GBF1: variants seen among roughly 807,000 people sequenced by gnomAD.
The protein encoded by GBF1 is Golgi-specific brefeldin A-resistance guanine nucleotide exchange factor 1.
A neutral mutation model predicts 210.5 loss-of-function variants in GBF1; 114 were observed. The ratio of observed to expected loss-of-function variants is 0.54; its 90% CI spans 0.47 to 0.63. GBF1 has a LOEUF of 0.63. GBF1 is among the 30% of genes least tolerant of loss of function. GBF1 has a pLI of 0.00. For synonymous variants in GBF1, 850 were observed against 889.2 expected (o/e 0.96, Z 0.78); for missense variants, 1,851 against 2,357.7 (o/e 0.79, Z 4.45).
At chr10:102,340,556 A>T (rs1465636199) in intron 3 of GBF1, among the ~76,000 whole-genome samples, 1 of 150,998 alleles carries the variant, frequency 6.6e-6, no homozygotes, top group African/African-American at 2.4e-5. Context: ...TACAGGCGTG[A>T]GCCACCACGC....
chr10:102,381,836 A>G (rs1391429434), intron 39 of GBF1, among the ~76,000 whole-genome samples: 5 of 150,694 alleles, frequency 3.3e-5, no homozygotes, highest in Non-Finnish European at 5.9e-5. Flanking sequence ...AAAAAAAAAA[A>G]AAAAAAAAAA....
rs368463978 is a variant in GBF1, at chr10:102,268,048, G to A, written c.163+7932G>A. ...TCATATTAAAAGGGTAGCTCCAAGA[G>A]GCCTATATTTTGATGACTTGATTTT... On this transcript the variant is annotated intron_variant, in intron 3 of 39. Coordinates refer to ENST00000369983, the MANE Select transcript of GBF1 (RefSeq NM_001377137.1). Among the ~76,000 whole-genome samples, 13 of 152,222 alleles carry A rather than the reference G, an allele frequency of 8.5e-5. No homozygotes were observed. In the East Asian group the frequency reaches 2.3e-3, roughly 27 times the overall value.
intron 3 of GBF1, among the ~76,000 whole-genome samples, chr10:102,282,002 C>T (rs1307350912): frequency 1.3e-5 from 2 of 150,962 alleles, no homozygotes; most frequent in Non-Finnish European, 2.9e-5. Flanking sequence ...TCTTGGCTCA[C>T]TGCAAGCTCC....
intron 3 of GBF1, among the ~76,000 whole-genome samples, chr10:102,269,220 T>G (rs1242564132): frequency 1.3e-5 from 2 of 152,232 alleles, no homozygotes; most frequent in Non-Finnish European, 2.9e-5. Flanking sequence ...CCTTTCCTTG[T>G]TCCACGCTTA....
intron 3 of GBF1, among the ~76,000 whole-genome samples, chr10:102,287,889 G>A (rs1184256455): frequency 1.3e-5 from 2 of 152,188 alleles, no homozygotes; most frequent in East Asian, 3.8e-4. Context: ...GGCTGGCCTT[G>A]CAGGAAGTTA....
At chr10:102,362,435 TCTC>T in intron 14 of GBF1, 37 bp from the exon 15 acceptor site, 1 of 1,372,480 alleles carries the variant, frequency 7.3e-7, no homozygotes, top group Non-Finnish European at 1.0e-6. Context: ...TGTAAAGTGT[TCTC>T]CTAACTACAA....
intron 3 of GBF1, among the ~76,000 whole-genome samples, chr10:102,282,338 A>G (rs2075579900): frequency 6.6e-6 from 1 of 152,144 alleles, no homozygotes; most frequent in Non-Finnish European, 1.5e-5. Context: ...AAATTAAGTA[A>G]CATTTTCAAG....
At chr10:102,246,123 C>A (rs933738024) in intron 1 of GBF1, among the ~76,000 whole-genome samples, 1 of 152,166 alleles carries the variant, frequency 6.6e-6, no homozygotes. Context: ...TGAAAGCAAA[C>A]CTAAGGAGCA....
intron 1 of GBF1, among the ~76,000 whole-genome samples, chr10:102,252,531 A>G (rs2071695906): frequency 6.6e-6 from 1 of 152,130 alleles, no homozygotes; most frequent in Non-Finnish European, 1.5e-5. Flanking sequence ...GCAAAGAGGC[A>G]GCAAAGACCA....
chr10:102,371,549 T>C (rs550050224), intron 29 of GBF1, among the ~76,000 whole-genome samples: 6 of 152,348 alleles, frequency 3.9e-5, no homozygotes, highest in African/African-American at 1.4e-4. Flanking sequence ...CCAGAAAGGT[T>C]CTTGTAGACA....
In GBF1 at chr10:102,359,400, G is replaced by A. The variant is rs1294908788; in HGVS notation, c.1145G>A (p.Arg382Gln). 1.9e-5 allele frequency: 31 copies of A among 1,613,670 alleles called. 2 individuals are homozygous for A. Among genetic ancestry groups the A allele is most frequent in the Admixed American group, 1.2e-4 (7 of 59,980 alleles). ...SVHDMDYVNP[R>Q]GVRFTQSSQK... Reference sequence around the variant, plus strand: ...CATGACATGGATTACGTCAATCCCCGGGGCGTGCGCTTTACACAGTCCTCC... The same window carrying A: ...CATGACATGGATTACGTCAATCCCCAGGGCGTGCGCTTTACACAGTCCTCC... Residue 382 changes from arginine to glutamine, a missense_variant, in exon 11 of 40, where the codon CGG (arginine) becomes CAG (glutamine). Coordinates refer to ENST00000369983, the MANE Select transcript of GBF1 (RefSeq NM_001377137.1).
intron 1 of GBF1, among the ~76,000 whole-genome samples, chr10:102,252,338 CAA>C (rs1290728672): frequency 3.0e-4 from 25 of 83,526 alleles, no homozygotes; most frequent in Admixed American, 4.9e-4. Context: ...AACGCTGTCT[CAA>C]AAAAAAAAAA....
At chr10:102,367,007 A>C (rs1173326347) in intron 19 of GBF1, 78 bp from the exon 20 acceptor site, 7 of 1,523,964 alleles carry the variant, frequency 4.6e-6, no homozygotes, top group Non-Finnish European at 6.3e-6. Context: ...CTGTACTAGC[A>C]CTGACCAGTG....
chr10:102,350,692 C>T (rs1261567129), intron 4 of GBF1, among the ~76,000 whole-genome samples: 1 of 151,984 alleles, frequency 6.6e-6, no homozygotes, highest in Non-Finnish European at 1.5e-5. Flanking sequence ...ATTCTCAGGC[C>T]CCACTCTGGG....
At chr10:102,315,442 T>G (rs994346281) in intron 3 of GBF1, among the ~76,000 whole-genome samples, 1 of 152,178 alleles carries the variant, frequency 6.6e-6, no homozygotes, top group African/African-American at 2.4e-5. Flanking sequence ...ACTAACACTG[T>G]AGAACATCGG....
chr10:102,308,758 G>A (rs1237098116), intron 3 of GBF1, among the ~76,000 whole-genome samples: 1 of 151,546 alleles, frequency 6.6e-6, no homozygotes, highest in Non-Finnish European at 1.5e-5. Flanking sequence ...ATAGCATTAG[G>A]AGATACACCT....
chr10:102,378,995 AT>A (rs2060676663), intron 33 of GBF1, among the ~76,000 whole-genome samples: 1 of 152,212 alleles, frequency 6.6e-6, no homozygotes, highest in Non-Finnish European at 1.5e-5. Flanking sequence ...GTGAAATAGA[AT>A]TGAAAAGAAA....
chr10:102,323,726 C>A (rs772699631), intron 3 of GBF1, among the ~76,000 whole-genome samples: 14 of 152,012 alleles, frequency 9.2e-5, no homozygotes, highest in Non-Finnish European at 4.4e-5. Context: ...TTAATCCAGT[C>A]AAATTTCAGT....
chr10:102,301,170 A>G (rs1321678114), intron 3 of GBF1, among the ~76,000 whole-genome samples: 2 of 151,778 alleles, frequency 1.3e-5, no homozygotes, highest in Non-Finnish European at 2.9e-5. Flanking sequence ...GAGATTAGGG[A>G]GTGGTGATGA....
Sources: allele counts gnomAD v4.1 joint callset (sites outside exome capture counted in the v4.1 genomes callset), GRCh38; gene constraint gnomAD v4.1.1; transcripts MANE v1.5; gene names NCBI Gene and HGNC (gene_info 2026-07-23, HGNC 2026-07-21).